The following RIMBP2 variants were observed in gnomAD, a reference collection of about 807,000 sequenced individuals.
RIMBP2 encodes RIMS-binding protein 2.
Under a neutral mutation model 118.6 loss-of-function variants are expected in RIMBP2, and 48 were observed. That is an observed-to-expected ratio of 0.40 (90% CI 0.32 to 0.51). The LOEUF is 0.51. Among genes scored for constraint, RIMBP2 ranks in the 20% least tolerant of loss-of-function variants. The pLI, the probability that RIMBP2 is intolerant of heterozygous loss-of-function variation, is 0.41. For missense variants in RIMBP2, 1,551 were observed against 1,768.3 expected (o/e 0.88, Z 2.20); for synonymous variants, 762 against 742.9 (o/e 1.03, Z -0.42).
intron 3 of RIMBP2, among the ~76,000 whole-genome samples, chr12:130,517,255 C>A (rs2051568787): frequency 6.6e-6 from 1 of 152,098 alleles, no homozygotes; most frequent in South Asian, 2.1e-4. Context: ...CACTCAGTCC[C>A]CTTGCCGCGG....
chr12:130,629,155 T>G (rs979997820), intron 1 of RIMBP2, among the ~76,000 whole-genome samples: 25 of 152,352 alleles, frequency 1.6e-4, no homozygotes, highest in African/African-American at 5.8e-4. Context: ...ATAAATTGAA[T>G]TAACTTCGGT....
rs1031729075 is a variant in RIMBP2, at chr12:130,621,007, C to T, written c.-217+7315G>A. On this transcript the variant is annotated intron_variant, in intron 2 of 22. Coordinates refer to ENST00000690449, the MANE Select transcript of RIMBP2 (RefSeq NM_001393629.1). This position sits in a 1 kb window ranked among gnomAD's most constrained non-coding sequence, Gnocchi z 6.6. ...TAGCCATGGGCGGGCGAGCAACCTGCCTTGAGATCTGGCTGAATGGGGAGG... is the reference window on the plus strand; with the variant it reads ...TAGCCATGGGCGGGCGAGCAACCTGTCTTGAGATCTGGCTGAATGGGGAGG... Among the ~76,000 whole-genome samples, 1 of 152,166 alleles carries T rather than the reference C, an allele frequency of 6.6e-6. No homozygotes were observed. The highest frequency in any genetic ancestry group is 1.9e-4 in the East Asian group (1 of 5,176).
Position 130,407,822 on chromosome 12 carries a change from G to A in RIMBP2, c.3597C>T (p.Ser1199=), listed in dbSNP as rs775083634. ...LNTPVEKIER[S]RRSGRRHSVS... Reference sequence around the variant, plus strand: ...CCGAATGACGCCTGCCACTTCTCCTGCTTCTCTCTGTTCAGATCACAAGGG... The same window carrying A: ...CCGAATGACGCCTGCCACTTCTCCTACTTCTCTCTGTTCAGATCACAAGGG... The change falls in exon 20 of 23, where the codon AGC becomes AGT. Residue 1199 remains serine (S), a synonymous_variant. Transcript: ENST00000690449. The A allele has an allele frequency of 1.2e-6, 2 of 1,613,534 alleles. No homozygotes were observed. Among genetic ancestry groups the A allele is most frequent in the African/African-American group, 1.3e-5 (1 of 74,924 alleles).
At chr12:130,555,099 G>A (rs1304841486) in intron 2 of RIMBP2, among the ~76,000 whole-genome samples, 1 of 152,136 alleles carries the variant, frequency 6.6e-6, no homozygotes, top group South Asian at 2.1e-4. Flanking sequence ...GCCAAGACAA[G>A]TTAAAAGACT....
chr12:130,422,853 C>A lies in RIMBP2; in HGVS notation c.3130-292G>T, dbSNP rs1274948676. ...GTGCTGAAGACAAATGTTTTGGGAC[C>A]AAAGAGACAATGGCTTGAATACATC... On this transcript the variant is annotated intron_variant, in intron 16 of 22. Transcript: ENST00000690449. The surrounding 1 kb of genome is among the most constrained non-coding windows in gnomAD (Gnocchi z 5.2). Among the ~76,000 whole-genome samples, 1 of 152,072 alleles carries A rather than the reference C, an allele frequency of 6.6e-6. No homozygotes were observed. Among genetic ancestry groups the A allele is most frequent in the Non-Finnish European group, 1.5e-5 (1 of 68,020 alleles).
At chr12:130,645,792 A>C (rs571951141) in intron 1 of RIMBP2, among the ~76,000 whole-genome samples, 1 of 152,294 alleles carries the variant, frequency 6.6e-6, no homozygotes, top group Admixed American at 6.5e-5. Context: ...TGCTTTTTAT[A>C]TTTAAGCCAC....
chr12:130,644,274 G>A (rs1475510251), intron 1 of RIMBP2, among the ~76,000 whole-genome samples: 1 of 152,222 alleles, frequency 6.6e-6, no homozygotes, highest in Non-Finnish European at 1.5e-5. Context: ...GTGCTGTGAG[G>A]AAACACACCA....
chr12:130,493,100 C>T (rs1441178696), intron 4 of RIMBP2, among the ~76,000 whole-genome samples: 1 of 152,092 alleles, frequency 6.6e-6, no homozygotes, highest in African/African-American at 2.4e-5. Flanking sequence ...TAACGCACTG[C>T]ACTCCAGCCT....
chr12:130,595,220 GCCC>G, intron 2 of RIMBP2, among the ~76,000 whole-genome samples: 1 of 152,080 alleles, frequency 6.6e-6, no homozygotes, highest in Non-Finnish European at 1.5e-5. Flanking sequence ...AGCAAACCAT[GCCC>G]AAAGCCTGAT....
Position 130,451,235 on chromosome 12 carries a change from A to T in RIMBP2, c.464T>A (p.Leu155Gln). ...GCATCTTGCGCTACCGGATCTCGACAGGAAGGTGGGCTTGGCGGACAGAGG... is the reference window on the plus strand; with the variant it reads ...GCATCTTGCGCTACCGGATCTCGACTGGAAGGTGGGCTTGGCGGACAGAGG... ...PEPLSAKPTFLSRSGSARCRS... is the reference protein window; with the variant it reads ...PEPLSAKPTFQSRSGSARCRS... Residue 155 changes from leucine (L) to glutamine (Q), a missense_variant, in exon 8 of 23, where the codon CTG becomes CAG. Physicochemically the swap from Leu to Gln is moderately radical, Grantham distance 113 (BLOSUM62 -2). Around this residue, in one of 5 missense-constraint regions of RIMBP2, gnomAD observed 239 missense variants for 256.8 expected, o/e 0.93. Transcript: ENST00000690449. 1 of 1,614,146 alleles carries T rather than the reference A, an allele frequency of 6.2e-7. No homozygotes were observed.
At chr12:130,423,656 C>CAAAAAA (rs36000671) in intron 16 of RIMBP2, among the ~76,000 whole-genome samples, 1 of 50,136 alleles carries the variant, frequency 2.0e-5, no homozygotes, top group Admixed American at 3.2e-4. Context: ...AAACAATATG[C>CAAAAAA]AAAAAAAAAA....
chr12:130,407,940 CT>C (rs1441969765), intron 19 of RIMBP2, 111 bp from the exon 20 acceptor site: 6 of 905,582 alleles, frequency 6.6e-6, no homozygotes, highest in Non-Finnish European at 9.1e-6. Flanking sequence ...CCTGGCACTG[CT>C]AACAGGGCCA....
intron 1 of RIMBP2, among the ~76,000 whole-genome samples, chr12:130,661,095 T>C (rs1212233328): frequency 1.3e-5 from 2 of 152,146 alleles, no homozygotes; most frequent in Non-Finnish European, 2.9e-5. Context: ...TTTCTTACCT[T>C]AAAACCAGAA....
At chr12:130,480,198 T>TACACACACACAC (rs10580090) in intron 4 of RIMBP2, among the ~76,000 whole-genome samples, 31 of 128,178 alleles carry the variant, frequency 2.4e-4, no homozygotes, top group Middle Eastern at 3.7e-3. Context: ...TTTCCTTTCA[T>TACACACACACAC]ACACACACAC....
intron 1 of RIMBP2, chr12:130,667,592 C>G (rs538908583): frequency 6.6e-6 from 1 of 152,386 alleles, no homozygotes; most frequent in Non-Finnish European, 1.5e-5. Context: ...TCCTTCCAGC[C>G]AGGACCCCTG....
rs535279482 is a variant in RIMBP2 at position 130,581,326 on chromosome 12, T to TCTGCTC, written c.-217+46990_-217+46995dup. On this transcript the variant is annotated intron_variant, in intron 2 of 22. Coordinates refer to ENST00000690449, the MANE Select transcript of RIMBP2 (RefSeq NM_001393629.1). This position sits in a 1 kb window ranked among gnomAD's most constrained non-coding sequence, Gnocchi z 4.4. ...AGCTGAAGCCCACACAGGGGCCCCA[T>TCTGCTC]CTGCTCCAGCAATGGTTTCCAACCT... Among the ~76,000 whole-genome samples the TCTGCTC allele has an allele frequency of 5.0e-3, 768 of 152,256 alleles. 3 individuals are homozygous for TCTGCTC. Among genetic ancestry groups the TCTGCTC allele is most frequent in the African/African-American group, 0.017 (715 of 41,536 alleles).
At chr12:130,471,860 T>G (rs1055348347) in intron 5 of RIMBP2, 1 of 152,668 alleles carries the variant, frequency 6.6e-6, no homozygotes, top group Non-Finnish European at 1.5e-5. Context: ...GGTCTGGACC[T>G]CCCCTGTGCC....
chr12:130,698,369 C>G (rs1292794438), intron 1 of RIMBP2, among the ~76,000 whole-genome samples: 3 of 152,216 alleles, frequency 2.0e-5, no homozygotes, highest in Non-Finnish European at 4.4e-5. Flanking sequence ...CTCTGCCTCT[C>G]CTCCTGCTCC....
At chr12:130,413,840 C>A (rs980230678) in intron 18 of RIMBP2, among the ~76,000 whole-genome samples, 1 of 152,040 alleles carries the variant, frequency 6.6e-6, no homozygotes, top group Non-Finnish European at 1.5e-5. Context: ...AAATTTGGAG[C>A]CTGTGTTATT....
Sources: gnomAD v4.1 joint callset for allele counts (sites outside exome capture counted in the v4.1 genomes callset) on GRCh38, gnomAD v4.1.1 for gene constraint, gnomAD v4.1.1 regional missense constraint, Gnocchi (gnomAD v3.1) non-coding constraint, MANE v1.5 for transcripts, NCBI Gene and HGNC (gene_info 2026-07-23, HGNC 2026-07-21) for gene names.